The following KIAA0825 variants were observed in gnomAD, a reference collection of about 807,000 sequenced individuals.
The protein encoded by KIAA0825 is KIAA0825, also known as uncharacterized protein KIAA0825.
A neutral mutation model predicts 147.6 loss-of-function variants in KIAA0825; 119 were observed. The observed-to-expected ratio is 0.81, with a 90% CI of 0.69 to 0.94. The LOEUF is 0.94. KIAA0825 is among the 40% of genes least tolerant of loss of function. The probability of loss-of-function intolerance (pLI) is 0.00; values close to 1 mark genes in which losing one functional copy is unlikely to be tolerated. For synonymous variants in KIAA0825, 470 were observed against 518.1 expected, an observed-to-expected ratio of 0.91 and a Z score of 1.26; for missense variants, 1,381 against 1,472.7, an observed-to-expected ratio of 0.94 and a Z score of 1.02.
chr5:94,508,962 A>T (rs1005706810), intron 5 of KIAA0825, among the ~76,000 whole-genome samples: 3 of 152,174 alleles, frequency 2.0e-5, no homozygotes, highest in African/African-American at 4.8e-5. Flanking sequence ...TTACCTCCTG[A>T]TTTAATTTTT....
At chr5:94,319,809 A>G (rs952634276) in intron 20 of KIAA0825, among the ~76,000 whole-genome samples, 5 of 151,980 alleles carry the variant, frequency 3.3e-5, no homozygotes, top group Non-Finnish European at 7.4e-5. Context: ...TTTTTAAAGT[A>G]TAAGTCAGAT....
intron 20 of KIAA0825, among the ~76,000 whole-genome samples, chr5:94,159,207 A>C (rs1169348896): frequency 6.6e-6 from 1 of 151,464 alleles, no homozygotes; most frequent in African/African-American, 2.4e-5. Context: ...GGATAATAAA[A>C]CCTCTCCCAG....
At chr5:94,164,313 G>A (rs865905370) in intron 20 of KIAA0825, among the ~76,000 whole-genome samples, 9 of 152,086 alleles carry the variant, frequency 5.9e-5, no homozygotes, top group Middle Eastern at 6.8e-3. Flanking sequence ...TATTACAGAG[G>A]TATAGTAACC....
rs1180853559 is a variant in KIAA0825 at position 94,391,546 on chromosome 5, G to A, written c.3445C>T (p.Gln1149Ter). Residue 1149 changes from glutamine to a stop codon, truncating the protein, a stop_gained, in exon 18 of 21, where the codon CAG (glutamine) becomes TAG (stop). Coordinates refer to ENST00000682413, the MANE Select transcript of KIAA0825 (RefSeq NM_001145678.3). LOFTEE classifies it high-confidence loss of function. ...GGCCGTTTCCCTACCTCATTGAGCT[G>A]CATGATGTGATAAATTTGCCTCAGG... ...EYLRQIYHIM[Q>*]LNEEYLKEQL... 6.4e-7 allele frequency: 1 copy of A among 1,551,546 alleles called. No homozygotes were observed. Among genetic ancestry groups the A allele is most frequent in the East Asian group, 2.4e-5 (1 of 40,914 alleles).
intron 20 of KIAA0825, among the ~76,000 whole-genome samples, chr5:94,316,196 A>G (rs947589901): frequency 6.6e-6 from 1 of 151,692 alleles, no homozygotes; most frequent in Non-Finnish European, 1.5e-5. Flanking sequence ...AAAAAGATAG[A>G]AAAAAAGTTA....
intron 2 of KIAA0825, among the ~76,000 whole-genome samples, chr5:94,549,538 C>T (rs1322441147): frequency 6.6e-6 from 1 of 152,070 alleles, no homozygotes; most frequent in Non-Finnish European, 1.5e-5. Context: ...ATGGTGAAAC[C>T]CTATCTCTAC....
intron 14 of KIAA0825, among the ~76,000 whole-genome samples, chr5:94,429,418 T>G (rs896243189): frequency 6.6e-6 from 1 of 152,130 alleles, no homozygotes; most frequent in Non-Finnish European, 1.5e-5. Context: ...CCCCTGTTTC[T>G]GGGGGGTGTG....
At chr5:94,375,205 G>A (rs79060064) in intron 20 of KIAA0825, among the ~76,000 whole-genome samples, 2,148 of 151,736 alleles carry the variant, frequency 0.014, 22 homozygotes, top group Middle Eastern at 0.027. Flanking sequence ...CTAATTTTTT[G>A]TATTTTTAGT....
chr5:94,435,917 T>C (rs1756310718), intron 14 of KIAA0825, among the ~76,000 whole-genome samples: 2 of 152,258 alleles, frequency 1.3e-5, no homozygotes, highest in South Asian at 4.1e-4. Context: ...GCTGCATGTA[T>C]ATCTTCTTTT....
chr5:94,406,015 G>A (rs1031654985), intron 15 of KIAA0825, among the ~76,000 whole-genome samples: 13 of 151,686 alleles, frequency 8.6e-5, no homozygotes, highest in Non-Finnish European at 1.3e-4. Flanking sequence ...CAACCTCCGC[G>A]TCCCAGGTTC....
chr5:94,392,358 A>G (rs993503754), intron 17 of KIAA0825, among the ~76,000 whole-genome samples: 1 of 152,186 alleles, frequency 6.6e-6, no homozygotes, highest in African/African-American at 2.4e-5. Flanking sequence ...GTCTACTAAC[A>G]CCACACCAGG....
intron 13 of KIAA0825, among the ~76,000 whole-genome samples, chr5:94,444,177 C>G (rs1217266671): frequency 3.3e-5 from 5 of 152,124 alleles, no homozygotes; most frequent in Admixed American, 3.3e-4. Flanking sequence ...TAACTATAAG[C>G]TCTGGAGGAG....
intron 20 of KIAA0825, among the ~76,000 whole-genome samples, chr5:94,233,146 A>G (rs1275940498): frequency 1.3e-5 from 2 of 152,262 alleles, no homozygotes; most frequent in Non-Finnish European, 2.9e-5. Flanking sequence ...AACAAGGAAC[A>G]TAAAAATAGA....
At chr5:94,376,210 A>G (rs1747546602) in intron 20 of KIAA0825, among the ~76,000 whole-genome samples, 1 of 152,214 alleles carries the variant, frequency 6.6e-6, no homozygotes, top group Admixed American at 6.5e-5. Context: ...CAGTATTATT[A>G]CAGTAAATAT....
At chr5:94,469,100 T>C (rs1760897619) in intron 10 of KIAA0825, among the ~76,000 whole-genome samples, 1 of 152,116 alleles carries the variant, frequency 6.6e-6, no homozygotes, top group Non-Finnish European at 1.5e-5. Flanking sequence ...CTGGGAATCA[T>C]CAGGCTTCAA....
At chr5:94,343,723 A>C (rs1212327092) in intron 20 of KIAA0825, among the ~76,000 whole-genome samples, 1 of 152,154 alleles carries the variant, frequency 6.6e-6, no homozygotes, top group Non-Finnish European at 1.5e-5. Context: ...GTGAAAAGGC[A>C]AGCCAAGAAA....
intron 20 of KIAA0825, among the ~76,000 whole-genome samples, chr5:94,339,937 TCTTA>T (rs1479923301): frequency 6.6e-6 from 1 of 152,172 alleles, no homozygotes; most frequent in Non-Finnish European, 1.5e-5. Flanking sequence ...AAAGTACCAA[TCTTA>T]CTTTCTTCAA....
chr5:94,411,946 C>CAAA (rs141919892), intron 15 of KIAA0825, among the ~76,000 whole-genome samples: 1 of 139,102 alleles, frequency 7.2e-6, no homozygotes. Flanking sequence ...GACTTCGTCT[C>CAAA]AAAAAAAAAA....
chr5:94,199,080 G>A (rs538555636), intron 20 of KIAA0825, among the ~76,000 whole-genome samples: 1 of 152,112 alleles, frequency 6.6e-6, no homozygotes, highest in African/African-American at 2.4e-5. Context: ...ACCATTGGTG[G>A]GGAGCTAGTA....
Sources: gnomAD v4.1 joint callset for allele counts (sites outside exome capture counted in the v4.1 genomes callset) on GRCh38, gnomAD v4.1.1 for gene constraint, MANE v1.5 for transcripts, NCBI Gene and HGNC (gene_info 2026-07-23, HGNC 2026-07-21) for gene names.